The following SCGB2B2 variants were observed in gnomAD, a reference collection of about 807,000 sequenced individuals.
SCGB2B2 encodes secretoglobin-like protein.
In SCGB2B2, 11 loss-of-function variants were observed where a neutral mutation model predicts 7.6. The observed-to-expected ratio is 1.45, with a 90% CI of 0.91 to 2.40. The LOEUF (loss-of-function observed/expected upper bound fraction) is 2.40. Ranked by LOEUF, SCGB2B2 falls within the 30% of genes most tolerant of loss-of-function variation. SCGB2B2 has a pLI of 0.00. For missense variants in SCGB2B2, 104 were observed against 115.4 expected (o/e 0.90, Z 0.45); for synonymous variants, 50 against 48.6 (o/e 1.03, Z -0.12).
chr19:34,625,670 C>T (rs1187771485), intron 1 of SCGB2B2, among the ~76,000 whole-genome samples: 8 of 152,208 alleles, frequency 5.3e-5, no homozygotes, highest in Non-Finnish European at 1.2e-4. Context: ...GCCTGCTTGC[C>T]TATGTAGACT....
chr19:34,664,312 G>T (rs928208662), intron 1 of SCGB2B2, among the ~76,000 whole-genome samples: 1 of 152,214 alleles, frequency 6.6e-6, no homozygotes, highest in African/African-American at 2.4e-5. Context: ...GTGGGAGCCA[G>T]TGTGGCCAGG....
chr19:34,662,669 T>G (rs2067492767), intron 1 of SCGB2B2, among the ~76,000 whole-genome samples: 1 of 151,960 alleles, frequency 6.6e-6, no homozygotes, highest in Admixed American at 6.5e-5. Context: ...AAACAAGGGC[T>G]CTTATCAAGA....
chr19:34,640,858 G>A (rs961453064), intron 1 of SCGB2B2, among the ~76,000 whole-genome samples: 1 of 152,022 alleles, frequency 6.6e-6, no homozygotes, highest in Non-Finnish European at 1.5e-5. Context: ...TTTTCCAGAT[G>A]TGAAATTATA....
intron 1 of SCGB2B2, among the ~76,000 whole-genome samples, chr19:34,647,009 C>G (rs1304775846): frequency 6.6e-6 from 1 of 152,244 alleles, no homozygotes; most frequent in East Asian, 1.9e-4. Flanking sequence ...CCAGCACAAC[C>G]CCACCCCGCC....
chr19:34,674,465 A>G (rs1268799971), intron 1 of SCGB2B2, among the ~76,000 whole-genome samples: 2 of 152,254 alleles, frequency 1.3e-5, no homozygotes, highest in Non-Finnish European at 2.9e-5. Context: ...TATTGTTATT[A>G]TCAGATACAT....
chr19:34,597,138 T>A (rs888833448), intron 1 of SCGB2B2, among the ~76,000 whole-genome samples: 1 of 151,872 alleles, frequency 6.6e-6, no homozygotes, highest in African/African-American at 2.4e-5. Context: ...GCCCAGCCAC[T>A]CACCTGTGAC....
chr19:34,594,901 A>C lies in SCGB2B2; in HGVS notation c.-338T>G. Reference sequence around the variant, plus strand: ...AGCCTGCAAGTCTGAGTGTGCATGCACATGTGACCCTGTGTCTTGGCAAAC... The same window carrying C: ...AGCCTGCAAGTCTGAGTGTGCATGCCCATGTGACCCTGTGTCTTGGCAAAC... On this transcript the variant is annotated 5_prime_UTR_variant, in exon 2 of 4. Coordinates refer to ENST00000601241, the MANE Select transcript of SCGB2B2 (RefSeq NM_001025591.4). 2.8e-6 allele frequency: 1 copy of C among 359,348 alleles called. No individual in the cohort carries two copies. The highest frequency in any genetic ancestry group is 5.3e-6 in the Non-Finnish European group (1 of 188,598). 22.3% of individuals were successfully genotyped at this position (359,348 alleles called of 1,614,324 possible).
chr19:34,665,333 C>G (rs2146169493), intron 1 of SCGB2B2, among the ~76,000 whole-genome samples: 1 of 152,318 alleles, frequency 6.6e-6, no homozygotes, highest in South Asian at 2.1e-4. Context: ...GTCCCAGTGC[C>G]AGCCAGAGTC....
chr19:34,657,876 C>T (rs2067324818), intron 1 of SCGB2B2, among the ~76,000 whole-genome samples: 1 of 152,132 alleles, frequency 6.6e-6, no homozygotes, highest in South Asian at 2.1e-4. Context: ...GGTAAAAGAA[C>T]AGAAATCACA....
At chr19:34,657,763 A>C (rs1391834525) in intron 1 of SCGB2B2, among the ~76,000 whole-genome samples, 1 of 152,204 alleles carries the variant, frequency 6.6e-6, no homozygotes, top group East Asian at 1.9e-4. Context: ...ACATCTACAG[A>C]AATCTACACT....
intron 1 of SCGB2B2, among the ~76,000 whole-genome samples, chr19:34,620,520 G>GGT (rs397795492): frequency 2.2e-5 from 3 of 133,950 alleles, no homozygotes; most frequent in Non-Finnish European, 1.6e-5. Flanking sequence ...ACACACCAGG[G>GGT]TGGGGGGAGG....
At chr19:34,648,304 T>C (rs2067074851) in intron 1 of SCGB2B2, among the ~76,000 whole-genome samples, 1 of 152,220 alleles carries the variant, frequency 6.6e-6, no homozygotes, top group Non-Finnish European at 1.5e-5. Context: ...CTCATGTTAT[T>C]TAATTCAGAC....
intron 1 of SCGB2B2, among the ~76,000 whole-genome samples, chr19:34,610,928 TGGAAGGAAGTCA>T (rs1343676927): frequency 2.0e-5 from 3 of 152,150 alleles, no homozygotes; most frequent in African/African-American, 7.2e-5. Context: ...TGTAGAATTC[TGGAAGGAAGTCA>T]GTGGAGTCTG....
intron 1 of SCGB2B2, among the ~76,000 whole-genome samples, chr19:34,598,329 C>A (rs1201817899): frequency 6.6e-6 from 1 of 152,166 alleles, no homozygotes; most frequent in Admixed American, 6.5e-5. Context: ...TGGAGCAAAC[C>A]GACCTGAGCC....
intron 1 of SCGB2B2, among the ~76,000 whole-genome samples, chr19:34,671,204 C>T (rs2067793782): frequency 1.3e-5 from 2 of 152,326 alleles, no homozygotes; most frequent in Middle Eastern, 3.4e-3. Context: ...TGAGCTACTG[C>T]AGCTGGCCTG....
In SCGB2B2 at chr19:34,595,128, T is replaced by C. The variant is rs921139200; in HGVS notation, c.-565A>G. On this transcript the variant is annotated 5_prime_UTR_variant, in exon 2 of 4. Transcript: ENST00000601241. The stretch of plus-strand genomic sequence containing the variant: ...TAAAGGACATGAGATGTAGCAAGTG[T>C]GTTAGGGACACATGTGACACAGTGA... 2 of 155,708 alleles carry C rather than the reference T, an allele frequency of 1.3e-5. No individual in the cohort carries two copies. Among genetic ancestry groups the C allele is most frequent in the African/African-American group, 2.4e-5 (1 of 41,194 alleles). 9.6% of individuals were successfully genotyped at this position (155,708 alleles called of 1,614,324 possible).
At chr19:34,619,156 G>T (rs1487226845) in intron 1 of SCGB2B2, among the ~76,000 whole-genome samples, 2 of 151,800 alleles carry the variant, frequency 1.3e-5, no homozygotes. Flanking sequence ...TTATATTTAG[G>T]ACAATTAATT....
chr19:34,641,528 C>G (rs1568438448), intron 1 of SCGB2B2, among the ~76,000 whole-genome samples: 1 of 152,164 alleles, frequency 6.6e-6, no homozygotes, highest in Admixed American at 6.5e-5. Context: ...TATCTTGAGT[C>G]CTCGTGGAGC....
At chr19:34,596,782 T>A (rs1208711878) in intron 1 of SCGB2B2, among the ~76,000 whole-genome samples, 188 bp from the exon 2 acceptor site, 1 of 151,662 alleles carries the variant, frequency 6.6e-6, no homozygotes, top group East Asian at 2.0e-4. Context: ...AGCTGAAAGG[T>A]GTGGGCTCCA....
Sources: gnomAD v4.1 joint callset for allele counts (sites outside exome capture counted in the v4.1 genomes callset) on GRCh38, gnomAD v4.1.1 for gene constraint, MANE v1.5 for transcripts, NCBI Gene and HGNC (gene_info 2026-07-23, HGNC 2026-07-21) for gene names.